ITGA10: variants seen among roughly 807,000 people sequenced by gnomAD.
ITGA10 encodes integrin subunit alpha 10, also known as integrin alpha-10.
ITGA10 carries 105 observed loss-of-function variants against 145.2 expected under a neutral mutation model. That is an observed-to-expected ratio of 0.72 (90% confidence interval 0.62 to 0.85). The LOEUF is 0.85. Among genes scored for constraint, ITGA10 ranks in the 40% least tolerant of loss-of-function variants. ITGA10 has a pLI of 0.00. For missense variants in ITGA10, 1,317 were observed against 1,444.5 expected, an observed-to-expected ratio of 0.91 and a Z score of 1.43; for synonymous variants, 506 against 557.8, an observed-to-expected ratio of 0.91 and a Z score of 1.31.
rs974284591 is a variant in ITGA10, at chr1:145,902,924, C to G, written c.796G>C (p.Glu266Gln). Residue 266 changes from glutamate (E) to glutamine (Q), a missense_variant, in exon 8 of 30, where the codon GAG (glutamate) becomes CAG (glutamine). Transcript: ENST00000369304. ...GFSQSHGGRP[E>Q]AARLLVVVTD... ...ACAACCACCAGTAGCCTGGCAGCCT[C>G]GGGTCGGCCCCCATGGGACTGACTG... is the stretch of plus-strand genomic sequence containing the variant. The G allele has an allele frequency of 6.2e-7, 1 of 1,612,676 alleles. No homozygotes were observed. Among genetic ancestry groups the G allele is most frequent in the Non-Finnish European group, 8.5e-7 (1 of 1,179,314 alleles).
chr1:145,895,336 C>T lies in ITGA10; in HGVS notation c.3172G>A (p.Gly1058Arg). 1 of 1,614,150 alleles carries T rather than the reference C, an allele frequency of 6.2e-7. No homozygotes were observed. Among genetic ancestry groups the T allele is most frequent in the Non-Finnish European group, 8.5e-7 (1 of 1,180,012 alleles). Residue 1058 changes from glycine (G) to arginine (R), a missense_variant, in exon 27 of 30, where the codon GGG becomes AGG. Gly to Arg is a moderately radical substitution (Grantham distance 125, BLOSUM62 -2). Transcript: ENST00000369304. ...VRCHLGQLAK[G>R]TEVSVGLLRL... The stretch of plus-strand genomic sequence containing the variant: ...AATAGTCCAACAGAGACCTCAGTCC[C>T]CTTTGCCAGCTGCCCAAGGTGGCAC...
Position 145,892,044 on chromosome 1 carries a change from C to A in ITGA10, c.*754G>T, listed in dbSNP as rs1654803702. The A allele has an allele frequency of 6.6e-6, 1 of 152,668 alleles. No individual in the cohort carries two copies. Among genetic ancestry groups the A allele is most frequent in the Non-Finnish European group, 1.5e-5 (1 of 68,118 alleles). The allele number at this position is 152,668 out of a possible 1,614,324, so 9.5% of individuals were successfully genotyped here. A position where few individuals can be genotyped will look rare whatever the true frequency, so the allele number is the denominator to read the frequency against. ...GGGCTCCTGGCTTCAGAAAATCAGGCACCAGGCCCTGGCTTTGCTCCCAGA... is the reference window on the plus strand; with the variant it reads ...GGGCTCCTGGCTTCAGAAAATCAGGAACCAGGCCCTGGCTTTGCTCCCAGA... On this transcript the variant is annotated 3_prime_UTR_variant, in exon 30 of 30. Coordinates refer to ENST00000369304, the MANE Select transcript of ITGA10 (RefSeq NM_003637.5).
Position 145,899,209 on chromosome 1 carries a change from G to A in ITGA10, c.2055C>T (p.Thr685=). The A allele has an allele frequency of 6.2e-7, 1 of 1,614,244 alleles. No homozygotes were observed. The highest frequency in any genetic ancestry group is 2.2e-5 in the East Asian group (1 of 44,880). Residue 685 remains threonine (T), a synonymous_variant, in exon 16 of 30, where the codon ACC becomes ACT. Transcript: ENST00000369304. ...GATCCCAGCGACCAGGAGTACGGGA[G>A]GTCACTTGGAAGCAAAGGGCTGCAG... is the stretch of plus-strand genomic sequence containing the variant. ...CLTAALCFQV[T]SRTPGRWDHQ...
At position 145,893,182 on chromosome 1, in the gene ITGA10, G is replaced by A; in HGVS notation, c.3417C>T (p.Leu1139=). 1 of 1,613,510 alleles carries A rather than the reference G, an allele frequency of 6.2e-7. No homozygotes were observed. The highest frequency in any genetic ancestry group is 8.5e-7 in the Non-Finnish European group (1 of 1,179,488). ...TTACCTTCCACAGGCAGAAGACAAG[G>A]AGAGCAAGCAGGAGCAACCCTCCCA... The part of the protein sequence containing the change: ...SVLGGLLLLA[L]LVFCLWKLGF... Residue 1139 remains leucine, a synonymous_variant, in exon 29 of 30, where the codon CTC becomes CTT. Coordinates refer to ENST00000369304, the MANE Select transcript of ITGA10 (RefSeq NM_003637.5).
chr1:145,904,202 TG>T lies in ITGA10; in HGVS notation c.610-3del. 6.2e-7 allele frequency: 1 copy of T among 1,614,100 alleles called. No homozygotes were observed. Among genetic ancestry groups the T allele is most frequent in the East Asian group, 2.2e-5 (1 of 44,884 alleles). The stretch of plus-strand genomic sequence containing the variant: ...CTCCCCATACTGTACCAGTCCCACC[TG>T]GGAATAAAGCGCATTCAAATGAAAT... On this transcript the variant is annotated splice_region_variant and splice_polypyrimidine_tract_variant and intron_variant, in intron 6 of 29. Transcript: ENST00000369304.
chr1:145,906,596 C>T, intron 4 of ITGA10, 88 bp from the exon 5 acceptor site: 1 of 1,307,956 alleles, frequency 7.6e-7, no homozygotes, highest in Non-Finnish European at 1.1e-6. Context: ...AGACTACTCC[C>T]TGACATTACC....
intron 27 of ITGA10, among the ~76,000 whole-genome samples, chr1:145,894,412 G>A (rs587602728): frequency 1.3e-5 from 2 of 152,254 alleles, no homozygotes; most frequent in African/African-American, 2.4e-5. Flanking sequence ...GCCCGGCCAT[G>A]TAGTGGTTTC....
rs141703529 is a variant in ITGA10 at position 145,906,394 on chromosome 1, G to A, written c.481C>T (p.Arg161Cys). 37 of 1,611,630 alleles carry A rather than the reference G, an allele frequency of 2.3e-5. No individual in the cohort carries two copies. The highest frequency in any genetic ancestry group is 5.0e-5 in the Admixed American group (3 of 59,998). Residue 161 changes from arginine to cysteine, a missense_variant and splice_region_variant, in exon 5 of 30, where the codon CGC (arginine) becomes TGC (cysteine). Transcript: ENST00000369304. ...PQGSLAPTAQ[R>C]CPTYMDVVIV... ...AGTACTCAGCCTTCCTCTGGCTCAC[G>A]TTGGGCAGTGGGTGCCAGGCTTCCC...
Position 145,898,981 on chromosome 1 carries a change from G to A in ITGA10, c.2187C>T (p.Leu729=), listed in dbSNP as rs1553746534. ...GCTCACAAGTGACATTCCCCACACT[G>A]AGCCGGAGCCTCCGAGGGGACAACC... ...GQRLSPRRLR[L]SVGNVTCEQL... Residue 729 remains leucine, a synonymous_variant, in exon 17 of 30, where the codon CTC becomes CTT. Coordinates refer to ENST00000369304, the MANE Select transcript of ITGA10 (RefSeq NM_003637.5). The A allele has an allele frequency of 1.2e-6, 2 of 1,614,190 alleles. No individual in the cohort carries two copies. Among genetic ancestry groups the A allele is most frequent in the East Asian group, 2.2e-5 (1 of 44,886 alleles).
chr1:145,900,755 C>T (rs1553747738), intron 14 of ITGA10, 35 bp downstream of exon 14: 1 of 1,604,886 alleles, frequency 6.2e-7, no homozygotes, highest in East Asian at 2.2e-5. Context: ...CCTCTTCCTA[C>T]AACCGTGCCC....
intron 27 of ITGA10, among the ~76,000 whole-genome samples, chr1:145,894,261 G>C (rs1655085205): frequency 6.6e-6 from 1 of 151,556 alleles, no homozygotes; most frequent in African/African-American, 2.4e-5. Flanking sequence ...ATAGGCGCCT[G>C]CCACCACACC....
At chr1:145,899,394 A>T in intron 15 of ITGA10, 53 bp from the exon 16 acceptor site, 1 of 1,582,268 alleles carries the variant, frequency 6.3e-7, no homozygotes. Context: ...GCCCTCTGAG[A>T]AGTGCAAGCC....
In ITGA10 at chr1:145,896,322, G is replaced by A; in HGVS notation, c.2865C>T (p.His955=). ...GACCCACTGGGAGGGTCCCATATGG[G>A]TGAACCTCATAGCGGTGCAGGGTAG... ...SESTLHRYEV[H]PYGTLPVGPG... Residue 955 remains histidine, a synonymous_variant, in exon 24 of 30, where the codon CAC becomes CAT. Coordinates refer to ENST00000369304, the MANE Select transcript of ITGA10 (RefSeq NM_003637.5). 1 of 1,614,090 alleles carries A rather than the reference G, an allele frequency of 6.2e-7. No individual in the cohort carries two copies. The highest frequency in any genetic ancestry group is 1.1e-5 in the South Asian group (1 of 91,086).
Position 145,904,164 on chromosome 1 carries a change from C to G in ITGA10, c.646G>C (p.Glu216Gln), listed in dbSNP as rs371407702. 9.9e-6 allele frequency: 16 copies of G among 1,614,054 alleles called. No homozygotes were observed. Among genetic ancestry groups the G allele is most frequent in the Non-Finnish European group, 1.1e-5 (13 of 1,180,034 alleles). ...GTTCGGAAATCTCCCAGGGACCACT[C>G]ATGTACAGGGCTCTCCCCATACTGT... ...LVQYGESPVH[E>Q]WSLGDFRTKE... Residue 216 changes from glutamate to glutamine, a missense_variant, in exon 7 of 30, where the codon GAG (glutamate) becomes CAG (glutamine). Coordinates refer to ENST00000369304, the MANE Select transcript of ITGA10 (RefSeq NM_003637.5).
At chr1:145,907,542 G>C (rs1657328917) in intron 1 of ITGA10, 77 bp from the exon 2 acceptor site, 2 of 1,593,458 alleles carry the variant, frequency 1.3e-6, no homozygotes, top group Admixed American at 3.5e-5. Context: ...CTGTGAGGAA[G>C]CGTCTTAATC....
chr1:145,906,902 G>A (rs1344391223), intron 3 of ITGA10, 78 bp from the exon 4 acceptor site: 23 of 1,224,322 alleles, frequency 1.9e-5, no homozygotes, highest in Non-Finnish European at 2.5e-5. Context: ...TTTTGGAGGA[G>A]AATGAGCAGG....
rs1553751729 is a variant in ITGA10, at chr1:145,907,440, A to T, written c.78T>A (p.Asp26Glu). 2 of 1,614,106 alleles carry T rather than the reference A, an allele frequency of 1.2e-6. No individual in the cohort carries two copies. The highest frequency in any genetic ancestry group is 2.2e-5 in the South Asian group (2 of 91,076). Residue 26 changes from aspartate (D) to glutamate (E), a missense_variant, in exon 2 of 30, where the codon GAT becomes GAA. Transcript: ENST00000369304. ...LTGLCSPFNL[D>E]EHHPRLFPGP... is the part of the protein sequence containing the mutation. ...CTGGGAATAGGCGTGGGTGATGTTCATCCAGGTTAAAGGGGGAGCAGAGAC... is the reference window on the plus strand; with the variant it reads ...CTGGGAATAGGCGTGGGTGATGTTCTTCCAGGTTAAAGGGGGAGCAGAGAC...
intron 3 of ITGA10, 93 bp downstream of exon 3, chr1:145,906,948 T>C (rs1553751333): frequency 1.7e-6 from 2 of 1,163,452 alleles, no homozygotes; most frequent in African/African-American, 3.0e-5. Flanking sequence ...AGTATGCGGA[T>C]TTTAGGGGTG....
intron 5 of ITGA10, 138 bp downstream of exon 5, chr1:145,906,256 G>T: frequency 1.6e-6 from 1 of 636,166 alleles, no homozygotes; most frequent in Non-Finnish European, 2.8e-6. Context: ...AGGAAACATG[G>T]AGCTTTTGCA....
Sources: gnomAD v4.1 joint callset for allele counts (sites outside exome capture counted in the v4.1 genomes callset) on GRCh38, gnomAD v4.1.1 for gene constraint, MANE v1.5 for transcripts, NCBI Gene and HGNC (gene_info 2026-07-23, HGNC 2026-07-21) for gene names.